The following FBLN2 variants were observed in gnomAD, a reference collection of about 807,000 sequenced individuals.
FBLN2 encodes fibulin-2.
Under a neutral mutation model 123.7 loss-of-function variants are expected in FBLN2, and 81 were observed. The ratio of observed to expected loss-of-function variants is 0.65; its 90% CI spans 0.55 to 0.79. FBLN2 has a LOEUF of 0.79. FBLN2 is among the 30% of genes least tolerant of loss of function. The pLI, the probability that FBLN2 is intolerant of heterozygous loss-of-function variation, is 0.00. For synonymous variants in FBLN2, 699 were observed against 701.4 expected (o/e 1.00, Z 0.05); for missense variants, 1,603 against 1,681.3 (o/e 0.95, Z 0.81).
intron 1 of FBLN2, among the ~76,000 whole-genome samples, chr3:13,566,944 C>T (rs1284694552): frequency 1.3e-5 from 2 of 152,246 alleles, no homozygotes; most frequent in Non-Finnish European, 2.9e-5. Flanking sequence ...GGATGCAGAA[C>T]CAGGGCTCAG....
chr3:13,559,994 C>T (rs1447962962), intron 1 of FBLN2, among the ~76,000 whole-genome samples: 2 of 152,190 alleles, frequency 1.3e-5, no homozygotes, highest in African/African-American at 4.8e-5. Context: ...TGGGCAGCCT[C>T]ATTTCTCATC....
intron 9 of FBLN2, among the ~76,000 whole-genome samples, chr3:13,626,090 C>T (rs1257753403): frequency 2.0e-5 from 3 of 152,140 alleles, no homozygotes; most frequent in African/African-American, 4.8e-5. Flanking sequence ...CTGTCTCCTG[C>T]GTCCTGCTCT....
chr3:13,606,899 T>A (rs1055018427), intron 2 of FBLN2, among the ~76,000 whole-genome samples: 5 of 152,102 alleles, frequency 3.3e-5, no homozygotes, highest in Non-Finnish European at 5.9e-5. Context: ...GTGATCCTCC[T>A]GCCTAGGCCT....
chr3:13,549,843 T>G (rs574422064), intron 1 of FBLN2, among the ~76,000 whole-genome samples: 119 of 151,974 alleles, frequency 7.8e-4, no homozygotes, highest in Middle Eastern at 3.4e-3. Context: ...CACACTCATC[T>G]CACGTCCCCT....
chr3:13,625,035 T>G (rs1705986172), intron 9 of FBLN2, among the ~76,000 whole-genome samples: 1 of 151,622 alleles, frequency 6.6e-6, no homozygotes, highest in Non-Finnish European at 1.5e-5. Context: ...CAGGGCAGTT[T>G]CTGAGTTGGT....
intron 2 of FBLN2, among the ~76,000 whole-genome samples, chr3:13,598,510 A>G (rs1023444906): frequency 2.0e-5 from 3 of 152,168 alleles, no homozygotes; most frequent in African/African-American, 7.2e-5. Flanking sequence ...AAGGATTTGC[A>G]TTCTTCCTTG....
rs1477189488 is a variant in FBLN2, at chr3:13,552,487, TGTG to T, written c.-42+3281_-42+3283del. On this transcript the variant is annotated intron_variant, in intron 1 of 17. Transcript: ENST00000404922. ...CAGTTTCCTTCCCCAGGTCCCCGAG[TGTG>T]GGTGGTGCAGGTGTCCGTGTGGCTG... 1.8e-4 allele frequency among the ~76,000 whole-genome samples: 28 copies of T among 151,900 alleles called. 1 individual carries two copies. The highest frequency in any genetic ancestry group is 6.8e-4 in the African/African-American group (28 of 41,330).
chr3:13,618,624 T>C (rs1391782940), intron 6 of FBLN2, among the ~76,000 whole-genome samples: 1 of 152,200 alleles, frequency 6.6e-6, no homozygotes, highest in East Asian at 1.9e-4. Context: ...CAGTCACTGG[T>C]CCCAGAATTG....
chr3:13,572,112 G>A (rs574146213), intron 2 of FBLN2, among the ~76,000 whole-genome samples: 1 of 152,378 alleles, frequency 6.6e-6, no homozygotes, highest in South Asian at 2.1e-4. Context: ...TTCAACAAAT[G>A]TCAGCCAGAA....
At chr3:13,592,018 CTT>C (rs869103466) in intron 2 of FBLN2, among the ~76,000 whole-genome samples, 25 of 131,960 alleles carry the variant, frequency 1.9e-4, no homozygotes, top group Admixed American at 3.9e-4. Flanking sequence ...CCTCTCTTTT[CTT>C]TTTTTTTTTT....
intron 16 of FBLN2, among the ~76,000 whole-genome samples, chr3:13,634,510 C>T (rs140011283): frequency 6.6e-6 from 1 of 152,386 alleles, no homozygotes; most frequent in Non-Finnish European, 1.5e-5. Context: ...CCTGCCCCAC[C>T]CACATAAGCT....
chr3:13,591,372 A>C (rs185650235), intron 2 of FBLN2, among the ~76,000 whole-genome samples: 7 of 152,260 alleles, frequency 4.6e-5, no homozygotes, highest in Non-Finnish European at 7.3e-5. Context: ...AAATGTTGTC[A>C]TCTGAGGAAC....
At chr3:13,593,765 G>T (rs956043582) in intron 2 of FBLN2, among the ~76,000 whole-genome samples, 2 of 151,576 alleles carry the variant, frequency 1.3e-5, no homozygotes, top group African/African-American at 4.9e-5. Flanking sequence ...CTGCAGGGTT[G>T]TGGGGAGAAT....
chr3:13,569,405 G>T (rs2125040957), intron 1 of FBLN2, among the ~76,000 whole-genome samples: 1 of 152,276 alleles, frequency 6.6e-6, no homozygotes, highest in African/African-American at 2.4e-5. Context: ...TGGGAAAGGG[G>T]AGGAGTGGTG....
chr3:13,619,073 T>TAC (rs1705748603), intron 7 of FBLN2, 56 bp downstream of exon 7: 1 of 1,365,884 alleles, frequency 7.3e-7, no homozygotes, highest in Non-Finnish European at 1.0e-6. Context: ...GGGGTGGGTC[T>TAC]GGGCTGCTTG....
intron 14 of FBLN2, 54 bp from the exon 15 acceptor site, chr3:13,630,645 G>A: frequency 9.1e-6 from 13 of 1,433,534 alleles, no homozygotes; most frequent in Non-Finnish European, 1.2e-5. Context: ...ATTTGGATGG[G>A]CTCTCCAAGG....
chr3:13,603,658 C>T (rs1483442776), intron 2 of FBLN2, among the ~76,000 whole-genome samples: 1 of 152,072 alleles, frequency 6.6e-6, no homozygotes, highest in Non-Finnish European at 1.5e-5. Flanking sequence ...TGGGTTGGTT[C>T]CAAGTCTTTG....
At chr3:13,580,126 G>A (rs1420864346) in intron 2 of FBLN2, among the ~76,000 whole-genome samples, 1 of 152,176 alleles carries the variant, frequency 6.6e-6, no homozygotes, top group Non-Finnish European at 1.5e-5. Context: ...GTTGTTCCCC[G>A]GCTGGGGGCA....
chr3:13,629,972 A>G (rs1706198863), intron 14 of FBLN2, 27 bp downstream of exon 14: 16 of 1,608,092 alleles, frequency 9.9e-6, no homozygotes, highest in African/African-American at 1.3e-5. Flanking sequence ...CTCTGACCCT[A>G]TGCCGCCTGG....
Sources: allele counts gnomAD v4.1 joint callset (sites outside exome capture counted in the v4.1 genomes callset), GRCh38; gene constraint gnomAD v4.1.1; transcripts MANE v1.5; gene names NCBI Gene and HGNC (gene_info 2026-07-23, HGNC 2026-07-21).